C4BPA: variants seen among roughly 807,000 people sequenced by gnomAD.
C4BPA encodes the protein C4b-binding protein alpha chain.
In C4BPA, 31 loss-of-function variants were observed where a neutral mutation model predicts 63.7. The observed-to-expected ratio is 0.49, with a 90% CI of 0.37 to 0.66. C4BPA has a LOEUF of 0.66. C4BPA is among the 30% of genes least tolerant of loss of function. The pLI, the probability that C4BPA is intolerant of heterozygous loss-of-function variation, is 0.00. For synonymous variants in C4BPA, 259 were observed against 254.7 expected, an observed-to-expected ratio of 1.02 and a Z score of -0.16; for missense variants, 572 against 723.3, an observed-to-expected ratio of 0.79 and a Z score of 2.40.
At chr1:207,128,144 C>T (rs1490752994) in intron 7 of C4BPA, among the ~76,000 whole-genome samples, 1 of 152,128 alleles carries the variant, frequency 6.6e-6, no homozygotes, top group Non-Finnish European at 1.5e-5. Context: ...AGCCAAGTGG[C>T]ATCTCCCATC....
intron 4 of C4BPA, among the ~76,000 whole-genome samples, chr1:207,118,235 C>CTATT (rs753029762): frequency 6.8e-6 from 1 of 148,054 alleles, no homozygotes; most frequent in Admixed American, 6.6e-5. Context: ...ATCTATCTAT[C>CTATT]TATCTATCTA....
At position 207,134,444 on chromosome 1, in the gene C4BPA, C is replaced by A; in HGVS notation, c.1125C>A (p.Ile375=). 6.2e-7 allele frequency: 1 copy of A among 1,613,742 alleles called. No individual in the cohort carries two copies. Among genetic ancestry groups the A allele is most frequent in the South Asian group, 1.1e-5 (1 of 91,022 alleles). The change falls in exon 9 of 12, where the codon ATC becomes ATA. Residue 375 remains isoleucine, a synonymous_variant. Transcript: ENST00000367070. ...CPEPKLNNGE[I]TQHRKSRPAN... ...AACCAAAGCTAAATAATGGTGAAAT[C>A]ACTCAACACAGGAAAAGTCGTCCTG...
intron 4 of C4BPA, among the ~76,000 whole-genome samples, chr1:207,118,599 C>T (rs1437144071): frequency 1.3e-5 from 2 of 152,186 alleles, no homozygotes; most frequent in African/African-American, 4.8e-5. Context: ...GATTCAATTA[C>T]TTCCCACTAC....
intron 9 of C4BPA, among the ~76,000 whole-genome samples, chr1:207,136,677 C>A (rs1685286575): frequency 6.6e-6 from 1 of 152,166 alleles, no homozygotes; most frequent in African/African-American, 2.4e-5. Context: ...CTTGTACACA[C>A]CAAAGGAGTG....
At chr1:207,132,400 C>T (rs1213501669) in intron 8 of C4BPA, among the ~76,000 whole-genome samples, 1 of 152,210 alleles carries the variant, frequency 6.6e-6, no homozygotes, top group Non-Finnish European at 1.5e-5. Flanking sequence ...AAAATGCTTT[C>T]TTCTATCCAT....
chr1:207,143,951 TG>T lies in C4BPA; in HGVS notation c.1581del (p.Asn528ThrfsTer38). ...TTGGTCCCCAAAGTATCACTTGCTC[TG>T]GGAACAGAACCTGGTACCCAGAGGT... The part of the protein sequence containing the change: ...VVGPQSITCS[G>X]NRTWYPEVPK... On this transcript the variant is annotated frameshift_variant, in exon 11 of 12. Transcript: ENST00000367070. LOFTEE classifies it low-confidence loss of function (END_TRUNC). 4 of 1,606,942 alleles carry T rather than the reference TG, an allele frequency of 2.5e-6. No individual in the cohort carries two copies. The highest frequency in any genetic ancestry group is 3.4e-6 in the Non-Finnish European group (4 of 1,176,896).
intron 4 of C4BPA, among the ~76,000 whole-genome samples, chr1:207,119,966 C>A (rs993604068): frequency 6.6e-6 from 1 of 152,226 alleles, no homozygotes; most frequent in Admixed American, 6.5e-5. Flanking sequence ...GGGCCATCAG[C>A]AGTCCTGCCT....
chr1:207,105,032 T>C (rs1036912876), intron 1 of C4BPA, among the ~76,000 whole-genome samples: 2 of 152,228 alleles, frequency 1.3e-5, no homozygotes, highest in African/African-American at 4.8e-5. Context: ...CCCTTCCTTC[T>C]TGAAATTCTC....
chr1:207,128,034 C>T (rs567162348), intron 7 of C4BPA, among the ~76,000 whole-genome samples: 5 of 152,238 alleles, frequency 3.3e-5, no homozygotes, highest in African/African-American at 9.6e-5. Flanking sequence ...CCCCCAACTC[C>T]GATTATATGG....
intron 8 of C4BPA, among the ~76,000 whole-genome samples, chr1:207,132,711 G>A (rs1685188885): frequency 1.3e-5 from 2 of 152,152 alleles, no homozygotes; most frequent in Non-Finnish European, 2.9e-5. Context: ...GCTTATAAAT[G>A]TTTAAAAACC....
intron 4 of C4BPA, among the ~76,000 whole-genome samples, chr1:207,117,376 G>C (rs1684820786): frequency 6.6e-6 from 1 of 152,160 alleles, no homozygotes; most frequent in African/African-American, 2.4e-5. Context: ...ACTTGAGCCT[G>C]GGAGGTCGAG....
intron 1 of C4BPA, chr1:207,112,753 T>C: frequency 5.0e-6 from 2 of 396,260 alleles, no homozygotes; most frequent in South Asian, 8.5e-5. Context: ...CTAGTGCAGA[T>C]GCAGTCTCCT....
intron 9 of C4BPA, 30 bp from the exon 10 acceptor site, chr1:207,141,075 TG>T (rs1324413001): frequency 6.3e-7 from 1 of 1,575,208 alleles, no homozygotes; most frequent in South Asian, 1.1e-5. Context: ...TACAAACTAA[TG>T]CTCTCTCACT....
At position 207,113,010 on chromosome 1, in the gene C4BPA, A is replaced by T. The variant is rs779712887; in HGVS notation, c.-16A>T. 1 of 1,558,340 alleles carries T rather than the reference A, an allele frequency of 6.4e-7. No individual in the cohort carries two copies. The highest frequency in any genetic ancestry group is 2.2e-5 in the Admixed American group (1 of 44,540). On this transcript the variant is annotated 5_prime_UTR_variant, in exon 2 of 12. Coordinates refer to ENST00000367070, the MANE Select transcript of C4BPA (RefSeq NM_000715.4). Reference sequence around the variant, plus strand: ...TGAGTTCTTTCAGCAGAAAAACATCAGCGAAGCAGCAGGCCATGCACCCCC... The same window carrying T: ...TGAGTTCTTTCAGCAGAAAAACATCTGCGAAGCAGCAGGCCATGCACCCCC...
At chr1:207,109,800 ATATGATGACTTCAGTT>A (rs1428088951) in intron 1 of C4BPA, among the ~76,000 whole-genome samples, 4 of 152,236 alleles carry the variant, frequency 2.6e-5, no homozygotes, top group Admixed American at 2.6e-4. Flanking sequence ...CTAGTTGATG[ATATGATGACTTCAGTT>A]TAAGAATGGA....
intron 9 of C4BPA, among the ~76,000 whole-genome samples, chr1:207,140,575 C>A (rs184362782): frequency 6.6e-6 from 1 of 151,962 alleles, no homozygotes; most frequent in African/African-American, 2.4e-5. Flanking sequence ...AGGTGCTCTG[C>A]ACCATGTCCT....
At chr1:207,142,242 C>T (rs983307584) in intron 10 of C4BPA, among the ~76,000 whole-genome samples, 1 of 152,192 alleles carries the variant, frequency 6.6e-6, no homozygotes, top group African/African-American at 2.4e-5. Context: ...CTGCAAAGGA[C>T]ATGAACTCAT....
rs1272945971 is a variant in C4BPA at position 207,124,241 on chromosome 1, C to T, written c.581C>T (p.Ala194Val). 1.1e-5 allele frequency: 18 copies of T among 1,613,930 alleles called. No homozygotes were observed. Among genetic ancestry groups the T allele is most frequent in the Non-Finnish European group, 1.4e-5 (16 of 1,179,864 alleles). ...CACAGCGGTGAAGAAAATTTCTACG[C>T]ATACGGCTTTTCTGTCACCTACAGC... ...GRHSGEENFYAYGFSVTYSCD... is the reference protein window; with the variant it reads ...GRHSGEENFYVYGFSVTYSCD... The change falls in exon 6 of 12, where the codon GCA becomes GTA. Residue 194 changes from alanine to valine, a missense_variant. Ala to Val is a moderately conservative substitution (Grantham distance 64, BLOSUM62 0). Around this residue, in one of 2 missense-constraint regions of C4BPA, gnomAD observed 465 missense variants for 629.4 expected, o/e 0.74. Transcript: ENST00000367070.
At chr1:207,123,209 T>C (rs1180123244) in intron 4 of C4BPA, among the ~76,000 whole-genome samples, 4 of 152,212 alleles carry the variant, frequency 2.6e-5, no homozygotes, top group African/African-American at 9.6e-5. Context: ...AGTAAAGAAA[T>C]ACTTAATTGT....
Sources: gnomAD v4.1 joint callset for allele counts (sites outside exome capture counted in the v4.1 genomes callset) on GRCh38, gnomAD v4.1.1 for gene constraint, gnomAD v4.1.1 regional missense constraint, MANE v1.5 for transcripts, NCBI Gene and HGNC (gene_info 2026-07-23, HGNC 2026-07-21) for gene names.